The following KATNIP variants were observed in gnomAD, a reference collection of about 807,000 sequenced individuals.
KATNIP encodes katanin interacting protein.
KATNIP carries 126 observed loss-of-function variants against 174.0 expected under a neutral mutation model. That is an observed-to-expected ratio of 0.72 (90% CI 0.63 to 0.84). The LOEUF (loss-of-function observed/expected upper bound fraction) is 0.84. Ranked by LOEUF, KATNIP falls within the 40% of genes least tolerant of loss-of-function variation. The pLI is 0.00. For missense variants in KATNIP, 1,958 were observed against 2,109.7 expected, an observed-to-expected ratio of 0.93 and a Z score of 1.41; for synonymous variants, 810 against 835.7, an observed-to-expected ratio of 0.97 and a Z score of 0.53.
intron 5 of KATNIP, among the ~76,000 whole-genome samples, chr16:27,638,416 G>A (rs2076699220): frequency 6.6e-6 from 1 of 152,198 alleles, no homozygotes; most frequent in East Asian, 1.9e-4. Context: ...CTCCATGGTA[G>A]ACAGTCCATG....
chr16:27,572,261 A>T lies in KATNIP; in HGVS notation c.8-1640A>T, dbSNP rs554383232. On this transcript the variant is annotated intron_variant, in intron 1 of 27. Coordinates refer to ENST00000261588, the MANE Select transcript of KATNIP (RefSeq NM_015202.5). ...CAAAACGCCCATCTCTATAAAAAAAATTTTTTTTTTTTAAAGAACACCCTG... is the reference window on the plus strand; with the variant it reads ...CAAAACGCCCATCTCTATAAAAAAATTTTTTTTTTTTTAAAGAACACCCTG... 5.4e-3 allele frequency among the ~76,000 whole-genome samples: 790 copies of T among 147,076 alleles called. 8 individuals are homozygous for T. The highest frequency in any genetic ancestry group is 0.016 in the African/African-American group (636 of 40,232).
At chr16:27,678,686 G>A (rs1167775633) in intron 7 of KATNIP, among the ~76,000 whole-genome samples, 4 of 152,154 alleles carry the variant, frequency 2.6e-5, no homozygotes, top group Non-Finnish European at 5.9e-5. Flanking sequence ...GGATCACCGT[G>A]GCTCTGATGG....
intron 2 of KATNIP, among the ~76,000 whole-genome samples, chr16:27,612,915 A>T (rs754513331): frequency 2.0e-5 from 3 of 151,874 alleles, no homozygotes; most frequent in Non-Finnish European, 4.4e-5. Context: ...TTTGAGACCA[A>T]CCTGGGCAAC....
rs752228346 is a variant in KATNIP, at chr16:27,777,946, G to A, written c.4778G>A (p.Arg1593Gln). The A allele has an allele frequency of 8.1e-6, 13 of 1,613,972 alleles. No homozygotes were observed. Among genetic ancestry groups the A allele is most frequent in the South Asian group, 5.5e-5 (5 of 91,076 alleles). The change falls in exon 27 of 28, where the codon CGG becomes CAG. Residue 1593 changes from arginine to glutamine, a missense_variant. Coordinates refer to ENST00000261588, the MANE Select transcript of KATNIP (RefSeq NM_015202.5). This position sits in a 1 kb window ranked among gnomAD's most constrained non-coding sequence, Gnocchi z 4.4. ...AACCAAATCATTACCAACGCGAAAC[G>A]GAAGCAGAGCGTTGTTGACCCAGGT... ...NENQIITNAKRKQSVVDPALR... is the reference protein window; with the variant it reads ...NENQIITNAKQKQSVVDPALR...
rs569668628 is a variant in KATNIP, at chr16:27,717,798, A to G, written c.1606-3760A>G. ...GGCCCGCTTTACCTTCCATACAGAG[A>G]GAAATAGAAGCCCCCCAGGAGCAGC... is the stretch of plus-strand genomic sequence containing the variant. On this transcript the variant is annotated intron_variant, in intron 13 of 27. Coordinates refer to ENST00000261588, the MANE Select transcript of KATNIP (RefSeq NM_015202.5). Among the ~76,000 whole-genome samples, 5 of 152,096 alleles carry G rather than the reference A, an allele frequency of 3.3e-5. No individual in the cohort carries two copies. The South Asian group carries it at 1.0e-3, about 32-fold the overall frequency.
chr16:27,748,760 G>T (rs1164206535), intron 15 of KATNIP, among the ~76,000 whole-genome samples: 1 of 151,864 alleles, frequency 6.6e-6, no homozygotes, highest in East Asian at 1.9e-4. Context: ...CTCCAGCCTG[G>T]GCAACAGAGC....
In KATNIP at chr16:27,773,158, G is replaced by A. The variant is rs1169020321; in HGVS notation, c.4258G>A (p.Gly1420Ser). The A allele has an allele frequency of 3.7e-6, 6 of 1,612,592 alleles. No homozygotes were observed. The highest frequency in any genetic ancestry group is 4.2e-6 in the Non-Finnish European group (5 of 1,179,384). The change falls in exon 23 of 28, where the codon GGC becomes AGC. Residue 1420 changes from glycine to serine, a missense_variant. Physicochemically the swap from Gly to Ser is moderately conservative, Grantham distance 56 (BLOSUM62 0). Coordinates refer to ENST00000261588, the MANE Select transcript of KATNIP (RefSeq NM_015202.5). ...CGACCCCTACTACATCGGCCTCACC[G>A]GCCTGGAGCTGTATGACGAGCGAGG... ...WGDPYYIGLTGLELYDERGEK... is the reference protein window; with the variant it reads ...WGDPYYIGLTSLELYDERGEK...
chr16:27,723,762 G>T (rs1342945817), intron 14 of KATNIP, among the ~76,000 whole-genome samples: 1 of 152,142 alleles, frequency 6.6e-6, no homozygotes, highest in African/African-American at 2.4e-5. Flanking sequence ...TGGAGGCAGA[G>T]CGGGGAACCT....
intron 11 of KATNIP, 32 bp from the exon 12 acceptor site, chr16:27,703,864 T>C: frequency 6.6e-7 from 1 of 1,507,822 alleles, no homozygotes; most frequent in Admixed American, 1.7e-5. Flanking sequence ...CATTTACTAC[T>C]TCCTGTTTGC....
intron 2 of KATNIP, among the ~76,000 whole-genome samples, chr16:27,586,841 A>AC (rs1271691686): frequency 1.3e-5 from 2 of 151,382 alleles, no homozygotes; most frequent in Non-Finnish European, 2.9e-5. Flanking sequence ...AAAAAAAAAA[A>AC]CAAAAAAACA....
At position 27,616,172 on chromosome 16, in the gene KATNIP, G is replaced by C. The variant is rs2076029510; in HGVS notation, c.64-2253G>C. 2.0e-5 allele frequency among the ~76,000 whole-genome samples: 3 copies of C among 152,170 alleles called. No homozygotes were observed. In the South Asian group the frequency reaches 6.2e-4, roughly 32 times the overall value. On this transcript the variant is annotated intron_variant, in intron 2 of 27. Coordinates refer to ENST00000261588, the MANE Select transcript of KATNIP (RefSeq NM_015202.5). ...GGACCACCTGAGTTCAGGAGTTTAA[G>C]ACCAGACTGGCCAACATGGTAAAAC...
chr16:27,631,253 C>T, intron 5 of KATNIP, 91 bp downstream of exon 5: 1 of 1,022,404 alleles, frequency 9.8e-7, no homozygotes, highest in Non-Finnish European at 1.5e-6. Context: ...TTAAAACCCC[C>T]ATGGGCCAGG....
intron 6 of KATNIP, among the ~76,000 whole-genome samples, chr16:27,649,623 T>C (rs1455251843): frequency 2.6e-5 from 4 of 152,184 alleles, no homozygotes; most frequent in Non-Finnish European, 4.4e-5. Context: ...CCTGAGTAGC[T>C]GGGATTACAG....
chr16:27,655,254 G>T (rs1488065671), intron 6 of KATNIP, among the ~76,000 whole-genome samples: 2 of 137,972 alleles, frequency 1.4e-5, no homozygotes, highest in African/African-American at 5.3e-5. Context: ...TGTTTAAAGA[G>T]ATGGAGTCTT....
intron 2 of KATNIP, among the ~76,000 whole-genome samples, chr16:27,591,237 T>C (rs1428725410): frequency 1.3e-5 from 2 of 150,404 alleles, no homozygotes; most frequent in African/African-American, 2.5e-5. Flanking sequence ...CAGGCTGGAG[T>C]GCAGTGGTGC....
At chr16:27,700,204 G>A (rs868308548) in intron 10 of KATNIP, among the ~76,000 whole-genome samples, 4 of 152,146 alleles carry the variant, frequency 2.6e-5, no homozygotes, top group South Asian at 2.1e-4. Context: ...TAGCCACCAC[G>A]CCTGACCTAT....
chr16:27,669,766 C>A (rs762482545), intron 6 of KATNIP, among the ~76,000 whole-genome samples: 2 of 152,100 alleles, frequency 1.3e-5, no homozygotes, highest in African/African-American at 2.4e-5. Flanking sequence ...GTTTCCTTTG[C>A]GAAGAAGCTG....
At position 27,550,158 on chromosome 16, in the gene KATNIP, G is replaced by T. The variant is rs1225697463; in HGVS notation, c.-13G>T. 6.2e-7 allele frequency: 1 copy of T among 1,612,262 alleles called. No homozygotes were observed. Among genetic ancestry groups the T allele is most frequent in the South Asian group, 1.1e-5 (1 of 90,954 alleles). ...GCTTCCGGTTCGAGCTCCCGGAACC[G>T]CCGCCTCTAGGGATGGACGGTGAGT... On this transcript the variant is annotated 5_prime_UTR_variant, in exon 1 of 28. Transcript: ENST00000261588.
At chr16:27,734,340 CAA>C (rs2080817660) in intron 14 of KATNIP, among the ~76,000 whole-genome samples, 1 of 150,464 alleles carries the variant, frequency 6.6e-6, no homozygotes, top group African/African-American at 2.4e-5. Context: ...CTCAGCCTCC[CAA>C]AGTGTTGGGA....
Sources: allele counts gnomAD v4.1 joint callset (sites outside exome capture counted in the v4.1 genomes callset), GRCh38; gene constraint gnomAD v4.1.1; non-coding constraint Gnocchi (gnomAD v3.1); transcripts MANE v1.5; gene names NCBI Gene and HGNC (gene_info 2026-07-23, HGNC 2026-07-21).